ADARB2: variants seen among roughly 807,000 people sequenced by gnomAD.
ADARB2 encodes the protein inactive double-stranded RNA-specific editase B2.
A neutral mutation model predicts 62.2 loss-of-function variants in ADARB2; 25 were observed. That is an observed-to-expected ratio of 0.40 (90% CI 0.29 to 0.56). ADARB2 has a LOEUF of 0.56. ADARB2 is among the 20% of genes least tolerant of loss of function. The pLI, the probability that ADARB2 is intolerant of heterozygous loss-of-function variation, is 0.43. For synonymous variants in ADARB2, 572 were observed against 500.8 expected, an observed-to-expected ratio of 1.14 and a Z score of -1.90; for missense variants, 1,071 against 1,077.4, an observed-to-expected ratio of 0.99 and a Z score of 0.08.
At chr10:1,527,995 T>C (rs1832170914) in intron 1 of ADARB2, among the ~76,000 whole-genome samples, 1 of 152,230 alleles carries the variant, frequency 6.6e-6, no homozygotes, top group African/African-American at 2.4e-5. Flanking sequence ...AATGCCAGGC[T>C]GATATATCTG....
At chr10:1,194,056 A>T (rs933478880) in intron 8 of ADARB2, among the ~76,000 whole-genome samples, 3 of 152,154 alleles carry the variant, frequency 2.0e-5, no homozygotes, top group African/African-American at 4.8e-5. Flanking sequence ...ACATGCATTC[A>T]GACTTTCCTG....
intron 1 of ADARB2, among the ~76,000 whole-genome samples, chr10:1,491,360 G>A (rs375727482): frequency 1.6e-4 from 25 of 152,244 alleles, no homozygotes; most frequent in East Asian, 1.2e-3. Context: ...ATGAGCCACC[G>A]TGCCTGGCTT....
At chr10:1,344,252 G>A (rs1832058104) in intron 3 of ADARB2, among the ~76,000 whole-genome samples, 1 of 152,208 alleles carries the variant, frequency 6.6e-6, no homozygotes, top group Admixed American at 6.5e-5. Flanking sequence ...ACAAGGCAGG[G>A]AAATAGGTTC....
intron 3 of ADARB2, among the ~76,000 whole-genome samples, chr10:1,339,556 A>C (rs1031151337): frequency 1.3e-5 from 2 of 152,258 alleles, no homozygotes; most frequent in Non-Finnish European, 2.9e-5. Context: ...AAATCAAACA[A>C]CACCAAACAC....
At position 1,238,545 on chromosome 10, in the gene ADARB2, C is replaced by G. The variant is rs1410384299; in HGVS notation, c.1361+3586G>C. 1.6e-3 allele frequency among the ~76,000 whole-genome samples: 8 copies of G among 4,986 alleles called. 1 individual carries two copies. The highest frequency in any genetic ancestry group is 3.5e-3 in the Non-Finnish European group (8 of 2,294). 3.3% of individuals were successfully genotyped at this position (4,986 alleles called of 152,430 possible). ...TGCCTCCCGGTGTTCACTCCCCCCT[C>G]CCTCCCGGTGTTCACTCCCCTCTCC... On this transcript the variant is annotated intron_variant, in intron 5 of 9. Transcript: ENST00000381312.
intron 6 of ADARB2, among the ~76,000 whole-genome samples, chr10:1,220,284 G>A (rs1182539393): frequency 2.8e-4 from 41 of 145,852 alleles, no homozygotes; most frequent in Admixed American, 2.1e-3. Flanking sequence ...TGGTAATGGT[G>A]ATGGTGGTGG....
chr10:1,381,850 A>C (rs1832486419), intron 1 of ADARB2, among the ~76,000 whole-genome samples: 1 of 152,168 alleles, frequency 6.6e-6, no homozygotes, highest in African/African-American at 2.4e-5. Flanking sequence ...GAGGGGAGAA[A>C]GGAGAGAGTG....
intron 1 of ADARB2, among the ~76,000 whole-genome samples, chr10:1,406,770 C>T (rs748640306): frequency 6.6e-6 from 1 of 152,204 alleles, no homozygotes; most frequent in Non-Finnish European, 1.5e-5. Flanking sequence ...ACGCCCTTTC[C>T]CCCATTGTCA....
intron 1 of ADARB2, among the ~76,000 whole-genome samples, chr10:1,489,192 T>C (rs551298669): frequency 6.6e-6 from 1 of 152,266 alleles, no homozygotes; most frequent in Non-Finnish European, 1.5e-5. Flanking sequence ...CAACTTCTCA[T>C]GCACTTGTGG....
intron 7 of ADARB2, among the ~76,000 whole-genome samples, chr10:1,201,514 A>C (rs1417415809): frequency 6.6e-6 from 1 of 151,990 alleles, no homozygotes; most frequent in African/African-American, 2.4e-5. Context: ...CTTCTACCAG[A>C]GGGGTGAGGT....
intron 1 of ADARB2, among the ~76,000 whole-genome samples, chr10:1,407,250 C>G (rs1341221224): frequency 1.3e-5 from 2 of 152,196 alleles, no homozygotes; most frequent in Non-Finnish European, 2.9e-5. Flanking sequence ...ACCACTGACT[C>G]CTGGGAAGCA....
intron 1 of ADARB2, among the ~76,000 whole-genome samples, chr10:1,507,472 T>C (rs1831867068): frequency 6.6e-6 from 1 of 152,208 alleles, no homozygotes; most frequent in South Asian, 2.1e-4. Flanking sequence ...TCAAGGCCCC[T>C]CGTGAGCACA....
chr10:1,703,276 C>T (rs922286577), intron 1 of ADARB2, among the ~76,000 whole-genome samples: 1 of 152,008 alleles, frequency 6.6e-6, no homozygotes, highest in East Asian at 1.9e-4. Context: ...GAAGGGGCAT[C>T]CAGGGAACAC....
At chr10:1,606,373 C>G (rs74108950) in intron 1 of ADARB2, among the ~76,000 whole-genome samples, 21,597 of 152,226 alleles carry the variant, frequency 0.14, 1,691 homozygotes, top group South Asian at 0.21. Context: ...CCTGGACACA[C>G]CTGGTGAGGA....
chr10:1,308,991 G>A (rs1303200876), intron 3 of ADARB2, among the ~76,000 whole-genome samples: 1 of 152,156 alleles, frequency 6.6e-6, no homozygotes, highest in Non-Finnish European at 1.5e-5. Context: ...TCCTACAGGG[G>A]AAAAGTCCCC....
At chr10:1,254,223 G>A (rs118002342) in intron 4 of ADARB2, among the ~76,000 whole-genome samples, 2,397 of 152,244 alleles carry the variant, frequency 0.016, 19 homozygotes, top group Middle Eastern at 0.031. Flanking sequence ...GGATGTGGAG[G>A]GCTCTGTGTG....
At position 1,271,063 on chromosome 10, in the gene ADARB2, C is replaced by T. The variant is rs200545586; in HGVS notation, c.1084G>A (p.Ala362Thr). The change falls in exon 4 of 10, where the codon GCA (alanine) becomes ACA (threonine). Residue 362 changes from alanine to threonine, a missense_variant. Transcript: ENST00000381312. ...GTGACCAGCTGGGATATGGAGTCTG[C>T]GAATTCCTGAAAGACACAAGCACAG... ...ARRTPMPQEF[A>T]DSISQLVTQK... The T allele has an allele frequency of 3.3e-5, 54 of 1,613,722 alleles. No individual in the cohort carries two copies. The highest frequency in any genetic ancestry group is 8.3e-5 in the Admixed American group (5 of 59,976).
intron 1 of ADARB2, among the ~76,000 whole-genome samples, chr10:1,454,155 G>A (rs377359606): frequency 2.6e-5 from 4 of 152,178 alleles, no homozygotes; most frequent in South Asian, 2.1e-4. Flanking sequence ...GTAGGAGAGC[G>A]TGTGCAGGGG....
intron 3 of ADARB2, among the ~76,000 whole-genome samples, chr10:1,300,817 T>G (rs1424905607): frequency 6.6e-6 from 1 of 152,228 alleles, no homozygotes; most frequent in African/African-American, 2.4e-5. Context: ...CATGAGATAT[T>G]ACAACCCCAC....
Sources: gnomAD v4.1 joint callset for allele counts (sites outside exome capture counted in the v4.1 genomes callset) on GRCh38, gnomAD v4.1.1 for gene constraint, MANE v1.5 for transcripts, NCBI Gene and HGNC (gene_info 2026-07-23, HGNC 2026-07-21) for gene names.